Variants in TM7SF3 observed in about 807,000 individuals in gnomAD.
TM7SF3 encodes the protein seven span transmembrane protein.
In TM7SF3, 60 loss-of-function variants were observed where a neutral mutation model predicts 65.5. The ratio of observed to expected loss-of-function variants is 0.92; its 90% CI spans 0.74 to 1.14. The LOEUF is 1.14. Among genes scored for constraint, TM7SF3 ranks in the 50% most tolerant of loss-of-function variants. TM7SF3 has a pLI of 0.00. For missense variants in TM7SF3, 623 were observed against 684.8 expected, an observed-to-expected ratio of 0.91 and a Z score of 1.01; for synonymous variants, 264 against 259.6, an observed-to-expected ratio of 1.02 and a Z score of -0.16.
At chr12:27,003,175 C>G (rs1019803682) in intron 2 of TM7SF3, 61 bp downstream of exon 2, 14 of 1,239,074 alleles carry the variant, frequency 1.1e-5, no homozygotes, top group Non-Finnish European at 1.6e-5. Context: ...AATGCTCATA[C>G]TAAATACCAG....
At chr12:27,007,968 T>C (rs907620321) in intron 1 of TM7SF3, among the ~76,000 whole-genome samples, 1 of 152,236 alleles carries the variant, frequency 6.6e-6, no homozygotes, top group African/African-American at 2.4e-5. Context: ...TCTGTTCTAC[T>C]GTTAATAAAC....
At chr12:26,980,081 C>T (rs1432789028) in intron 8 of TM7SF3, 145 bp from the exon 9 acceptor site, 15 of 920,890 alleles carry the variant, frequency 1.6e-5, no homozygotes, top group Non-Finnish European at 2.0e-5. Context: ...ATGAAGCCAG[C>T]ATAGAGCAAC....
chr12:26,996,694 G>T, intron 4 of TM7SF3, 48 bp downstream of exon 4: 2 of 1,570,998 alleles, frequency 1.3e-6, no homozygotes, highest in South Asian at 2.4e-5. Flanking sequence ...CACAACTGTC[G>T]TCATGTATAT....
intron 2 of TM7SF3, among the ~76,000 whole-genome samples, chr12:27,001,835 G>C (rs1411933354): frequency 6.6e-6 from 1 of 152,190 alleles, no homozygotes; most frequent in African/African-American, 2.4e-5. Context: ...GGCCTCCCCT[G>C]AGGAACTGGC....
intron 7 of TM7SF3, among the ~76,000 whole-genome samples, chr12:26,981,929 A>G (rs973201914): frequency 6.6e-6 from 1 of 152,246 alleles, no homozygotes; most frequent in African/African-American, 2.4e-5. Flanking sequence ...GACTGAGCAG[A>G]CATTTCAAAC....
At chr12:26,994,964 TAC>T (rs1940528779) in intron 5 of TM7SF3, among the ~76,000 whole-genome samples, 1 of 152,180 alleles carries the variant, frequency 6.6e-6, no homozygotes, top group Non-Finnish European at 1.5e-5. Context: ...CACAGAAAAT[TAC>T]CACCTCCTTC....
rs1411734624 is a variant in TM7SF3, at chr12:26,982,960, A to G, written c.869-101T>C. 7 of 782,954 alleles carry G rather than the reference A, an allele frequency of 8.9e-6. No individual in the cohort carries two copies. In the African/African-American group the frequency reaches 1.2e-4, roughly 14 times the overall value. The allele number at this position is 782,954 out of a possible 1,614,324, so 48.5% of individuals were successfully genotyped here. The stretch of plus-strand genomic sequence containing the variant: ...CATCAAAAAAGCTAAGTGAACTGAC[A>G]TAATTTATCCCATACATGTATATTA... On this transcript the variant is annotated intron_variant, in intron 6 of 11. Coordinates refer to ENST00000343028, the MANE Select transcript of TM7SF3 (RefSeq NM_016551.3).
intron 1 of TM7SF3, chr12:27,012,994 T>TAAAA: frequency 5.0e-5 from 2 of 39,676 alleles, no homozygotes; most frequent in Middle Eastern, 0.011. Context: ...CGAGACTCCG[T>TAAAA]CAAAAAAAAA....
intron 6 of TM7SF3, among the ~76,000 whole-genome samples, chr12:26,987,235 C>G (rs1592284802): frequency 1.3e-5 from 2 of 152,330 alleles, no homozygotes; most frequent in African/African-American, 4.8e-5. Flanking sequence ...ATATAATCAA[C>G]CATCAGTTAA....
chr12:26,995,379 C>G lies in TM7SF3; in HGVS notation c.548G>C (p.Gly183Ala). 1 of 1,614,116 alleles carries G rather than the reference C, an allele frequency of 6.2e-7. No homozygotes were observed. The highest frequency in any genetic ancestry group is 1.1e-5 in the South Asian group (1 of 91,068). Residue 183 changes from glycine (G) to alanine (A), a missense_variant, in exon 5 of 12, where the codon GGG becomes GCG. Physicochemically the swap from Gly to Ala is moderately conservative, Grantham distance 60. Coordinates refer to ENST00000343028, the MANE Select transcript of TM7SF3 (RefSeq NM_016551.3). ...CCTCCACCTGGAGTCCTGGTCTGTCCCAGCGTCACATGGTGGGGGATCTAC... is the reference window on the plus strand; with the variant it reads ...CCTCCACCTGGAGTCCTGGTCTGTCGCAGCGTCACATGGTGGGGGATCTAC... ...RGVDPPPCDA[G>A]TDQDSRWRLQ...
At chr12:26,985,068 C>G (rs985849236) in intron 6 of TM7SF3, among the ~76,000 whole-genome samples, 6 of 152,174 alleles carry the variant, frequency 3.9e-5, no homozygotes, top group African/African-American at 1.4e-4. Flanking sequence ...GGAAGAACAA[C>G]TGGATCAGAG....
intron 11 of TM7SF3, 63 bp downstream of exon 11, chr12:26,975,433 A>G: frequency 6.4e-7 from 1 of 1,567,200 alleles, no homozygotes; most frequent in East Asian, 2.2e-5. Flanking sequence ...TGCTCTGGTT[A>G]GCATAGGTGG....
At position 26,980,640 on chromosome 12, in the gene TM7SF3, A is replaced by C; in HGVS notation, c.962T>G (p.Phe321Cys). The C allele has an allele frequency of 2.6e-6, 4 of 1,560,720 alleles. No individual in the cohort carries two copies. The highest frequency in any genetic ancestry group is 3.5e-6 in the Non-Finnish European group (4 of 1,144,004). Residue 321 changes from phenylalanine (F) to cysteine (C), a missense_variant, in exon 8 of 12, where the codon TTC (phenylalanine) becomes TGC (cysteine). Coordinates refer to ENST00000343028, the MANE Select transcript of TM7SF3 (RefSeq NM_016551.3). ...TCCCATGATGATAAAGCCTATGAAG[A>C]ATAATTCTAAGTGGCAAACCACCAG... ...FGHRFWKTELFFIGFIIMGFF... is the reference protein window; with the variant it reads ...FGHRFWKTELCFIGFIIMGFF...
chr12:26,977,520 G>A lies in TM7SF3; in HGVS notation c.1190-1163C>T, dbSNP rs577894532. ...TGTAATCCCAACACTTTGGGAGGCC[G>A]AGGTGAACAGATCACTTGAGGTCAG... On this transcript the variant is annotated intron_variant, in intron 9 of 11. Coordinates refer to ENST00000343028, the MANE Select transcript of TM7SF3 (RefSeq NM_016551.3). Among the ~76,000 whole-genome samples the A allele has an allele frequency of 5.9e-5, 9 of 152,258 alleles. No homozygotes were observed. In the South Asian group the frequency reaches 1.9e-3, roughly 32 times the overall value.
Position 26,996,776 on chromosome 12 carries a change from T to G in TM7SF3, c.484A>C (p.Ile162Leu), listed in dbSNP as rs745668234. The G allele has an allele frequency of 5.8e-5, 93 of 1,613,546 alleles. No individual in the cohort carries two copies. The highest frequency in any genetic ancestry group is 7.8e-5 in the Non-Finnish European group (92 of 1,179,852). ...CCTAGGTTTGCTGGGGCAAACTTGATAGTCGTTTCAAAGAAATTATACTCC... is the reference window on the plus strand; with the variant it reads ...CCTAGGTTTGCTGGGGCAAACTTGAGAGTCGTTTCAAAGAAATTATACTCC... ...YLEYNFFETT[I>L]KFAPANLGYA... Residue 162 changes from isoleucine (I) to leucine (L), a missense_variant, in exon 4 of 12, where the codon ATC becomes CTC. By Grantham distance (5) the Ile-to-Leu change is conservative. Coordinates refer to ENST00000343028, the MANE Select transcript of TM7SF3 (RefSeq NM_016551.3).
intron 5 of TM7SF3, 45 bp from the exon 6 acceptor site, chr12:26,990,672 T>A (rs755654043): frequency 1.4e-4 from 216 of 1,511,034 alleles, no homozygotes; most frequent in Middle Eastern, 9.1e-4. Context: ...GGGATTTTTT[T>A]AAGCTATTCT....
intron 9 of TM7SF3, chr12:26,978,197 G>A: frequency 4.1e-6 from 1 of 243,416 alleles, no homozygotes; most frequent in South Asian, 3.9e-5. Flanking sequence ...ATATATAAAG[G>A]GTATATGCTA....
intron 6 of TM7SF3, 52 bp from the exon 7 acceptor site, chr12:26,982,911 A>G (rs1050957585): frequency 1.5e-6 from 2 of 1,295,394 alleles, no homozygotes; most frequent in African/African-American, 3.0e-5. Context: ...GATACTTTGT[A>G]TTAATATTTA....
intron 1 of TM7SF3, among the ~76,000 whole-genome samples, chr12:27,010,990 A>G (rs529441095): frequency 2.6e-5 from 4 of 152,370 alleles, no homozygotes; most frequent in African/African-American, 9.6e-5. Context: ...TCAACACAAC[A>G]ACCAAATTCT....
Sources: allele counts gnomAD v4.1 joint callset (sites outside exome capture counted in the v4.1 genomes callset), GRCh38; gene constraint gnomAD v4.1.1; transcripts MANE v1.5; gene names NCBI Gene and HGNC (gene_info 2026-07-23, HGNC 2026-07-21).